Variants in FRMD4A observed in about 807,000 individuals in gnomAD.
FRMD4A encodes the protein FERM domain-containing protein 4A.
Under a neutral mutation model 129.1 loss-of-function variants are expected in FRMD4A, and 29 were observed. That is an observed-to-expected ratio of 0.22 (90% confidence interval 0.17 to 0.31). FRMD4A has a LOEUF of 0.31. FRMD4A is among the 10% of genes least tolerant of loss of function. FRMD4A has a pLI of 1.00. For synonymous variants in FRMD4A, 634 were observed against 571.6 expected (o/e 1.11, Z -1.56); for missense variants, 1,272 against 1,375.8 (o/e 0.92, Z 1.19).
chr10:14,247,626 A>G (rs181121789), intron 2 of FRMD4A, among the ~76,000 whole-genome samples: 2 of 152,258 alleles, frequency 1.3e-5, no homozygotes, highest in East Asian at 3.9e-4. Context: ...GGAAGCTGAT[A>G]CCAAAACCAC....
chr10:13,858,774 C>T (rs2094249272), intron 3 of FRMD4A, 73 bp downstream of exon 3: 2 of 862,754 alleles, frequency 2.3e-6, no homozygotes, highest in South Asian at 1.3e-5. Flanking sequence ...CCCCCTTCAT[C>T]CCCAGCTGGA....
At chr10:13,748,685 C>G (rs1232036801) in intron 8 of FRMD4A, among the ~76,000 whole-genome samples, 1 of 151,902 alleles carries the variant, frequency 6.6e-6, no homozygotes, top group Non-Finnish European at 1.5e-5. Context: ...CCCAAAATCC[C>G]AAATCAGAAA....
At position 13,750,112 on chromosome 10, in the gene FRMD4A, G is replaced by GAAAGAAAT. The variant is rs1564739376; in HGVS notation, c.465-2294_465-2293insATTTCTTT. ...AGAAAGAAAGAAAGAAAGAAATGAA[G>GAAAGAAAT]AAAGAAAGAAAGAAAGAAAGAAAGA... On this transcript the variant is annotated intron_variant, in intron 8 of 24. Transcript: ENST00000357447. Among the ~76,000 whole-genome samples, 245 of 74,682 alleles carry GAAAGAAAT rather than the reference G, an allele frequency of 3.3e-3. 1 individual carries two copies. The highest frequency in any genetic ancestry group is 8.7e-3 in the African/African-American group (227 of 26,192). 49.0% of individuals were successfully genotyped at this position (74,682 alleles called of 152,430 possible).
chr10:13,657,493 T>C lies in FRMD4A; in HGVS notation c.2096A>G (p.His699Arg). The C allele has an allele frequency of 1.2e-6, 2 of 1,602,446 alleles. No homozygotes were observed. The highest frequency in any genetic ancestry group is 8.5e-7 in the Non-Finnish European group (1 of 1,177,054). Reference protein sequence around the residue: ...RSVDISPTRLHSLALHFRHRS... With the variant: ...RSVDISPTRLRSLALHFRHRS... The stretch of plus-strand genomic sequence containing the variant: ...GTGCCTAAAGTGCAGTGCGAGGCTG[T>C]GCAGTCGGGTGGGGCTGATGTCCAC... The change falls in exon 22 of 25, where the codon CAC becomes CGC. Residue 699 changes from histidine to arginine, a missense_variant. By Grantham distance (29) the His-to-Arg change is conservative. Transcript: ENST00000357447.
intron 2 of FRMD4A, among the ~76,000 whole-genome samples, chr10:13,941,862 C>T (rs1454244467): frequency 6.6e-6 from 1 of 152,090 alleles, no homozygotes; most frequent in Admixed American, 6.6e-5. Context: ...CCTAGCTGGC[C>T]CTGGAATGGA....
At chr10:13,986,452 A>G (rs1442371906) in intron 2 of FRMD4A, among the ~76,000 whole-genome samples, 3 of 139,050 alleles carry the variant, frequency 2.2e-5, no homozygotes, top group Non-Finnish European at 3.1e-5. Context: ...AACAATGAGA[A>G]CACATGGACA....
chr10:14,002,768 A>G (rs1416001538), intron 2 of FRMD4A, among the ~76,000 whole-genome samples: 3 of 152,050 alleles, frequency 2.0e-5, no homozygotes, highest in Non-Finnish European at 4.4e-5. Flanking sequence ...TGGGGAAGGG[A>G]TGGGGTGCCT....
chr10:13,992,944 C>A (rs1414566885), intron 2 of FRMD4A, among the ~76,000 whole-genome samples: 1 of 97,754 alleles, frequency 1.0e-5, no homozygotes, highest in Non-Finnish European at 1.9e-5. Context: ...TAGAGTGAGA[C>A]TCTGTCTCAA....
At chr10:14,020,757 A>G (rs1832707374) in intron 2 of FRMD4A, among the ~76,000 whole-genome samples, 1 of 152,076 alleles carries the variant, frequency 6.6e-6, no homozygotes. Context: ...AAACAGCCAC[A>G]GGTTGCTGTG....
At chr10:14,183,519 GTTGT>G (rs969223434) in intron 2 of FRMD4A, among the ~76,000 whole-genome samples, 1 of 149,018 alleles carries the variant, frequency 6.7e-6, no homozygotes, top group African/African-American at 2.5e-5. Flanking sequence ...GCTCTAAGGA[GTTGT>G]TTCTTTTTTT....
chr10:14,286,851 G>C (rs1845695627), intron 2 of FRMD4A, among the ~76,000 whole-genome samples: 1 of 152,014 alleles, frequency 6.6e-6, no homozygotes, highest in African/African-American at 2.4e-5. Flanking sequence ...GTCCATACTG[G>C]GAAGCTTCCT....
intron 2 of FRMD4A, among the ~76,000 whole-genome samples, chr10:13,887,630 C>T (rs1276833150): frequency 6.6e-6 from 1 of 152,174 alleles, no homozygotes; most frequent in Non-Finnish European, 1.5e-5. Flanking sequence ...CACTGCACTC[C>T]AGCCTGGTGA....
chr10:14,152,119 T>TTTTTTTTTC (rs1564343150), intron 2 of FRMD4A, among the ~76,000 whole-genome samples: 6 of 93,188 alleles, frequency 6.4e-5, no homozygotes, highest in African/African-American at 2.8e-4. Context: ...GTGTAGTGCT[T>TTTTTTTTTC]TTTTTTTTTT....
Position 14,236,995 on chromosome 10 carries a change from C to CAAAAAAAAA in FRMD4A, c.45+93054_45+93062dup, listed in dbSNP as rs71477244. ...CTGAGAAGGAACTCCAACAGGTCAG[C>CAAAAAAAAA]AAAAAAAAAAAAAAAAAAAAAAAAA... is the stretch of plus-strand genomic sequence containing the variant. On this transcript the variant is annotated intron_variant, in intron 2 of 24. Coordinates refer to ENST00000357447, the MANE Select transcript of FRMD4A (RefSeq NM_018027.5). Among the ~76,000 whole-genome samples, 102 of 75,386 alleles carry CAAAAAAAAA rather than the reference C, an allele frequency of 1.4e-3. 2 individuals carry two copies. Among genetic ancestry groups the CAAAAAAAAA allele is most frequent in the Middle Eastern group, 8.5e-3 (1 of 118 alleles). 49.5% of individuals were successfully genotyped at this position (75,386 alleles called of 152,430 possible). A position where few individuals can be genotyped will look rare whatever the true frequency, so the allele number is the denominator to read the frequency against.
intron 5 of FRMD4A, among the ~76,000 whole-genome samples, chr10:13,786,386 A>G (rs530653178): frequency 5.3e-5 from 8 of 152,144 alleles, no homozygotes; most frequent in African/African-American, 1.9e-4. Context: ...GTGTGGATCA[A>G]CTGAGGTCAG....
intron 2 of FRMD4A, among the ~76,000 whole-genome samples, chr10:13,914,005 G>C (rs750004758): frequency 6.6e-6 from 1 of 152,190 alleles, no homozygotes; most frequent in Non-Finnish European, 1.5e-5. Flanking sequence ...AGGCTTGACT[G>C]CCTGTGGACC....
chr10:14,297,021 C>G (rs547627236), intron 2 of FRMD4A, among the ~76,000 whole-genome samples: 2 of 152,196 alleles, frequency 1.3e-5, no homozygotes, highest in African/African-American at 2.4e-5. Context: ...TCAGGGGCAA[C>G]TGAACAGAAA....
intron 2 of FRMD4A, among the ~76,000 whole-genome samples, chr10:14,114,808 G>A (rs777743252): frequency 1.1e-4 from 17 of 152,298 alleles, no homozygotes; most frequent in Non-Finnish European, 1.9e-4. Context: ...CTGCAGATCC[G>A]CTGGTAGGCA....
chr10:14,304,917 G>A (rs1159987921), intron 2 of FRMD4A, among the ~76,000 whole-genome samples: 1 of 152,140 alleles, frequency 6.6e-6, no homozygotes, highest in African/African-American at 2.4e-5. Flanking sequence ...TTCCCACAGT[G>A]GTCTGAATGT....
Sources: allele counts gnomAD v4.1 joint callset (sites outside exome capture counted in the v4.1 genomes callset), GRCh38; gene constraint gnomAD v4.1.1; transcripts MANE v1.5; gene names NCBI Gene and HGNC (gene_info 2026-07-23, HGNC 2026-07-21).